The following VPS33A variants were observed in gnomAD, a reference collection of about 807,000 sequenced individuals.
VPS33A encodes vacuolar protein sorting-associated protein 33A.
VPS33A carries 32 observed loss-of-function variants against 71.8 expected under a neutral mutation model. The observed-to-expected ratio is 0.45, with a 90% CI of 0.34 to 0.60. The LOEUF (loss-of-function observed/expected upper bound fraction) is 0.60, where lower values mean the gene tolerates loss of function less well. Ranked by LOEUF, VPS33A falls within the 20% of genes least tolerant of loss-of-function variation. The pLI, the probability that VPS33A is intolerant of heterozygous loss-of-function variation, is 0.02. For synonymous variants in VPS33A, 311 were observed against 292.7 expected, an observed-to-expected ratio of 1.06 and a Z score of -0.64; for missense variants, 625 against 748.5, an observed-to-expected ratio of 0.84 and a Z score of 1.92.
chr12:122,254,575 ATTTTG>A (rs1438426732), intron 4 of VPS33A, among the ~76,000 whole-genome samples: 2 of 151,654 alleles, frequency 1.3e-5, no homozygotes, highest in African/African-American at 2.4e-5. Flanking sequence ...GCTAATTTTA[ATTTTG>A]TTTTATTTTT....
chr12:122,261,150 A>T, intron 4 of VPS33A, 111 bp downstream of exon 4: 1 of 921,026 alleles, frequency 1.1e-6, no homozygotes, highest in African/African-American at 1.7e-5. Context: ...CTTAAACATC[A>T]ATAAACATAT....
intron 7 of VPS33A, 86 bp downstream of exon 7, chr12:122,244,483 C>A (rs878985675): frequency 1.4e-4 from 166 of 1,205,580 alleles, no homozygotes; most frequent in Admixed American, 2.4e-5. Context: ...TTAATGGCTA[C>A]ATATTTTTGG....
At chr12:122,249,291 C>G (rs1053527517) in intron 6 of VPS33A, 1 of 152,060 alleles carries the variant, frequency 6.6e-6, no homozygotes, top group East Asian at 1.9e-4. Context: ...GGCGCTCTCT[C>G]GGCTCACTGC....
intron 10 of VPS33A, among the ~76,000 whole-genome samples, chr12:122,237,191 TTATTA>T: frequency 6.6e-6 from 1 of 152,318 alleles, no homozygotes; most frequent in Middle Eastern, 3.4e-3. Context: ...GGCCTTTTCC[TTATTA>T]TAAGTAACAC....
Position 122,232,859 on chromosome 12 carries a change from A to G in VPS33A, c.1550T>C (p.Ile517Thr), listed in dbSNP as rs767802960. The G allele has an allele frequency of 6.2e-7, 1 of 1,614,098 alleles. No homozygotes were observed. The highest frequency in any genetic ancestry group is 1.7e-5 in the Admixed American group (1 of 60,014). Residue 517 changes from isoleucine to threonine, a missense_variant, in exon 12 of 13, where the codon ATC becomes ACC. Ile to Thr is a moderately conservative substitution (Grantham distance 89, BLOSUM62 -1). Transcript: ENST00000267199. The part of the protein sequence containing the change: ...GWRSIEEVLR[I>T]LPGPHFEERQ... ...CTCCTCAAAGTGGGGCCCTGGGAGG[A>G]TGCGGAGGACCTCCTCGATGCTCCG... is the stretch of plus-strand genomic sequence containing the variant.
chr12:122,257,341 T>C (rs1954931724), intron 4 of VPS33A, among the ~76,000 whole-genome samples: 1 of 147,512 alleles, frequency 6.8e-6, no homozygotes, highest in Non-Finnish European at 1.5e-5. Context: ...GCAAGAGAAC[T>C]GCTTGAACCC....
chr12:122,239,826 A>AGGT, intron 9 of VPS33A, 52 bp downstream of exon 9: 1 of 1,062,338 alleles, frequency 9.4e-7, no homozygotes, highest in Non-Finnish European at 1.3e-6. Context: ...CTATAATCTG[A>AGGT]GGTTTAATAA....
At chr12:122,264,775 T>C (rs1406532503) in intron 1 of VPS33A, 1 of 152,168 alleles carries the variant, frequency 6.6e-6, no homozygotes, top group Non-Finnish European at 1.5e-5. Context: ...GATGCTACTG[T>C]TGGTCCTGAG....
In VPS33A at chr12:122,231,479, T is replaced by G. The variant is rs989702930; in HGVS notation, c.*767A>C. On this transcript the variant is annotated 3_prime_UTR_variant, in exon 13 of 13. Coordinates refer to ENST00000267199, the MANE Select transcript of VPS33A (RefSeq NM_022916.6). ...AAATCTCAACTCAGTGATAAAATGATCTCCAGCTCCCAACACTTAACCACT... is the reference window on the plus strand; with the variant it reads ...AAATCTCAACTCAGTGATAAAATGAGCTCCAGCTCCCAACACTTAACCACT... The G allele has an allele frequency of 1.2e-4, 18 of 152,144 alleles. No individual in the cohort carries two copies. The highest frequency in any genetic ancestry group is 2.2e-4 in the Non-Finnish European group (15 of 68,020). 9.4% of individuals were successfully genotyped at this position (152,144 alleles called of 1,614,324 possible).
chr12:122,258,198 T>G (rs1407144194), intron 4 of VPS33A, among the ~76,000 whole-genome samples: 1 of 152,066 alleles, frequency 6.6e-6, no homozygotes, highest in African/African-American at 2.4e-5. Flanking sequence ...GAGACCAGCC[T>G]GGGCAACATA....
intron 8 of VPS33A, 100 bp downstream of exon 8, chr12:122,242,282 G>C: frequency 7.0e-7 from 1 of 1,419,488 alleles, no homozygotes; most frequent in South Asian, 1.3e-5. Context: ...AGACAGAGCT[G>C]ACTCTCCCGA....
chr12:122,250,939 T>C (rs935545734), intron 5 of VPS33A, 44 bp downstream of exon 5: 2 of 1,423,238 alleles, frequency 1.4e-6, no homozygotes, highest in Admixed American at 1.8e-5. Flanking sequence ...CCTTTTGGGG[T>C]GTGAAGGGCC....
intron 1 of VPS33A, chr12:122,264,912 G>A (rs1462600487): frequency 6.7e-6 from 1 of 150,128 alleles, no homozygotes; most frequent in Non-Finnish European, 1.5e-5. Context: ...TACAATATAG[G>A]TATTACAAAT....
intron 11 of VPS33A, among the ~76,000 whole-genome samples, chr12:122,233,371 G>A (rs1954589658): frequency 6.6e-6 from 1 of 152,062 alleles, no homozygotes; most frequent in Non-Finnish European, 1.5e-5. Context: ...GATTACAGGT[G>A]TGCACCACCA....
At chr12:122,247,300 C>T (rs926394522) in intron 6 of VPS33A, among the ~76,000 whole-genome samples, 4 of 151,898 alleles carry the variant, frequency 2.6e-5, no homozygotes. Flanking sequence ...TACAGCTGTC[C>T]CTGGGCCAAC....
intron 4 of VPS33A, among the ~76,000 whole-genome samples, chr12:122,260,283 A>G (rs1592931294): frequency 6.6e-6 from 1 of 151,172 alleles, no homozygotes; most frequent in East Asian, 1.9e-4. Flanking sequence ...TGGCATTGTG[A>G]GTTTTTTTTT....
intron 5 of VPS33A, among the ~76,000 whole-genome samples, chr12:122,250,642 CA>C (rs897356636): frequency 6.6e-6 from 1 of 151,842 alleles, no homozygotes; most frequent in East Asian, 1.9e-4. Flanking sequence ...GTGAAATCAC[CA>C]AAAAAAGTAC....
At chr12:122,236,526 G>A (rs1954631222) in intron 10 of VPS33A, among the ~76,000 whole-genome samples, 1 of 152,266 alleles carries the variant, frequency 6.6e-6, no homozygotes, top group African/African-American at 2.4e-5. Context: ...TGTAATCCCA[G>A]CTACTCGGGA....
Position 122,234,019 on chromosome 12 carries a change from T to C in VPS33A, c.1441-1051A>G, listed in dbSNP as rs184639291. ...TGAGCTTTTGTTGCAAGAGGCGGCC[T>C]AATAAAGTTCCTTATGAAAAACCAA... On this transcript the variant is annotated intron_variant, in intron 11 of 12. Transcript: ENST00000267199. Among the ~76,000 whole-genome samples the C allele has an allele frequency of 9.8e-5, 15 of 152,332 alleles. No individual in the cohort carries two copies. The South Asian group carries it at 1.2e-3, about 13-fold the overall frequency.
Sources: gnomAD v4.1 joint callset for allele counts (sites outside exome capture counted in the v4.1 genomes callset) on GRCh38, gnomAD v4.1.1 for gene constraint, MANE v1.5 for transcripts, NCBI Gene and HGNC (gene_info 2026-07-23, HGNC 2026-07-21) for gene names.